BAIAP2: variants seen among roughly 807,000 people sequenced by gnomAD.
BAIAP2 encodes BAR/IMD domain containing adaptor protein 2, also known as BAR/IMD domain-containing adapter protein 2.
Under a neutral mutation model 63.0 loss-of-function variants are expected in BAIAP2, and 18 were observed. The observed-to-expected ratio is 0.29, with a 90% CI of 0.20 to 0.42. BAIAP2 has a LOEUF of 0.42. BAIAP2 is among the 10% of genes least tolerant of loss of function. BAIAP2 has a pLI of 1.00. For synonymous variants in BAIAP2, 386 were observed against 307.6 expected, an observed-to-expected ratio of 1.25 and a Z score of -2.67; for missense variants, 610 against 734.3, an observed-to-expected ratio of 0.83 and a Z score of 1.96.
chr17:81,069,445 G>T (rs557668653), intron 3 of BAIAP2, among the ~76,000 whole-genome samples: 148 of 152,278 alleles, frequency 9.7e-4, no homozygotes, highest in African/African-American at 3.2e-3. Context: ...AGAGGCTGGG[G>T]AGTGGTCCAC....
At chr17:81,057,807 A>G in intron 2 of BAIAP2, 74 bp from the exon 3 acceptor site, 2 of 1,545,494 alleles carry the variant, frequency 1.3e-6, no homozygotes, top group South Asian at 2.5e-5. Flanking sequence ...GCGTGCCAAG[A>G]CTGCCGTGTT....
At chr17:81,098,202 C>A (rs769286960) in intron 6 of BAIAP2, 1 of 1,416,746 alleles carries the variant, frequency 7.1e-7, no homozygotes, top group Non-Finnish European at 9.3e-7. Flanking sequence ...TCAGGTGAGT[C>A]ATACAACAAG....
intron 7 of BAIAP2, among the ~76,000 whole-genome samples, chr17:81,102,043 C>T (rs933030580): frequency 1.1e-4 from 16 of 152,138 alleles, no homozygotes; most frequent in African/African-American, 1.9e-4. Flanking sequence ...GGCTGCTTGC[C>T]GCAGGTCTCC....
chr17:81,053,576 C>A, intron 1 of BAIAP2, 92 bp from the exon 2 acceptor site: 1 of 1,417,108 alleles, frequency 7.1e-7, no homozygotes, highest in Non-Finnish European at 9.9e-7. Context: ...GGAGGGGTGC[C>A]TGCTCTGGGT....
intron 1 of BAIAP2, among the ~76,000 whole-genome samples, chr17:81,051,628 G>A (rs1477405588): frequency 2.0e-5 from 3 of 152,120 alleles, no homozygotes; most frequent in African/African-American, 7.2e-5. Context: ...ATCTGACCTC[G>A]TGATCCGCCT....
Position 81,110,846 on chromosome 17 carries a change from C to G in BAIAP2, c.1535+2337C>G, listed in dbSNP as rs145218872. ...CTCCTGGCAGCTCGCCCGTGGTCCC[C>G]CCTCCTCTGCACCCCCGAGTCCTCA... On this transcript the variant is annotated intron_variant, in intron 13 of 13. Transcript: ENST00000428708. 5,782 of 1,598,770 alleles carry G rather than the reference C, an allele frequency of 3.6e-3. 363 individuals are homozygous for G. The Admixed American group carries it at 0.09, about 25-fold the overall frequency.
At chr17:81,037,048 C>T (rs1371104725) in intron 1 of BAIAP2, 14 of 1,108,980 alleles carry the variant, frequency 1.3e-5, no homozygotes, top group Non-Finnish European at 1.7e-5. Context: ...TAGGCCTTCA[C>T]CTAGGTGAAG....
In BAIAP2 at chr17:81,061,088, C is replaced by T. The variant is rs183444840; in HGVS notation, c.217+3121C>T. Among the ~76,000 whole-genome samples the T allele has an allele frequency of 3.2e-3, 484 of 152,280 alleles. 2 individuals are homozygous for T. The highest frequency in any genetic ancestry group is 4.6e-3 in the Non-Finnish European group (314 of 68,026). On this transcript the variant is annotated intron_variant, in intron 3 of 13. Coordinates refer to ENST00000428708, the MANE Select transcript of BAIAP2 (RefSeq NM_001144888.2). The stretch of plus-strand genomic sequence containing the variant: ...GCAGTGAGCCGAGATGGTGCCATTG[C>T]GCTCCAGCCTGGGAGACAGAGCGAG...
chr17:81,066,671 G>A (rs1035555862), intron 3 of BAIAP2, among the ~76,000 whole-genome samples: 6 of 152,226 alleles, frequency 3.9e-5, no homozygotes, highest in African/African-American at 9.6e-5. Flanking sequence ...AGGGGACTTC[G>A]GGGCTGTCCC....
chr17:81,115,051 A>AAAGG (rs2060363694), intron 13 of BAIAP2, among the ~76,000 whole-genome samples: 1 of 152,170 alleles, frequency 6.6e-6, no homozygotes, highest in South Asian at 2.1e-4. Context: ...CTCCAAAGAG[A>AAAGG]AAGGCTCAGG....
intron 3 of BAIAP2, among the ~76,000 whole-genome samples, chr17:81,073,562 G>A (rs1246498532): frequency 1.3e-5 from 2 of 152,164 alleles, no homozygotes; most frequent in African/African-American, 2.4e-5. Context: ...CTCGGGCAGG[G>A]TCTGAGCTGC....
chr17:81,116,454 C>T lies in BAIAP2; in HGVS notation c.*615C>T. On this transcript the variant is annotated 3_prime_UTR_variant, in exon 14 of 14. Transcript: ENST00000428708. ...AAGGGCCTCCCCAGGCCCCTCCTGC[C>T]TCGGGCAGGCCCCAGCCCTCCTCCT... The T allele has an allele frequency of 9.4e-7, 1 of 1,062,330 alleles. No homozygotes were observed. The highest frequency in any genetic ancestry group is 1.3e-6 in the Non-Finnish European group (1 of 747,786). 65.8% of individuals were successfully genotyped at this position (1,062,330 alleles called of 1,614,324 possible). A position where few individuals can be genotyped will look rare whatever the true frequency, so the allele number is the denominator to read the frequency against.
intron 2 of BAIAP2, among the ~76,000 whole-genome samples, chr17:81,055,182 G>T (rs1204131158): frequency 2.0e-5 from 3 of 152,178 alleles, no homozygotes; most frequent in African/African-American, 7.2e-5. Context: ...GCAGGAGTTG[G>T]TCAGCCCTCG....
rs371088726 is a variant in BAIAP2, at chr17:81,053,758, G to A, written c.130+15G>A. ...GGCACTGGCAGGTGGAACTGCGCCC[G>A]GGCCCCGTGGGGTGGGAGCTGCCTC... On this transcript the variant is annotated intron_variant, in intron 2 of 13. Transcript: ENST00000428708. 39 of 1,613,362 alleles carry A rather than the reference G, an allele frequency of 2.4e-5. No individual in the cohort carries two copies. The African/African-American group carries it at 2.5e-4, about 10-fold the overall frequency.
intron 13 of BAIAP2, chr17:81,110,921 G>A (rs2059853424): frequency 6.2e-7 from 1 of 1,613,898 alleles, no homozygotes; most frequent in Non-Finnish European, 8.5e-7. Context: ...CAGCGCCGAT[G>A]TGGAAGTGGC....
intron 13 of BAIAP2, chr17:81,109,381 AAAAAAAAAAAAAAAG>A (rs1271696677): frequency 1.0e-4 from 106 of 1,010,474 alleles, no homozygotes; most frequent in Middle Eastern, 4.8e-4. Context: ...TTAAAAAAAA[AAAAAAAAAAAAAAAG>A]AAAAAAAGAA....
intron 3 of BAIAP2, among the ~76,000 whole-genome samples, 167 bp downstream of exon 3, chr17:81,058,134 C>G (rs34406585): frequency 0.18 from 26,896 of 152,120 alleles, 2,577 homozygotes; most frequent in South Asian, 0.21. Context: ...TGGGGCACAC[C>G]CTGCTGAAAG....
At position 81,037,579 on chromosome 17, in the gene BAIAP2, GGCCGGTCCA is replaced by G. The variant is rs572498845; in HGVS notation, c.54+2282_54+2290del. Among the ~76,000 whole-genome samples the G allele has an allele frequency of 1.6e-4, 24 of 152,330 alleles. No individual in the cohort carries two copies. In the South Asian group the frequency reaches 4.1e-3, roughly 26 times the overall value. On this transcript the variant is annotated intron_variant, in intron 1 of 13. Coordinates refer to ENST00000428708, the MANE Select transcript of BAIAP2 (RefSeq NM_001144888.2). ...CTGAGGCCACCGGTGTGCACTCCTG[GGCCGGTCCA>G]GCCGGTCCAGGCAGTGCTGAGCTCT...
intron 7 of BAIAP2, among the ~76,000 whole-genome samples, chr17:81,100,737 T>C (rs2058371284): frequency 6.6e-6 from 1 of 152,156 alleles, no homozygotes. Context: ...ATCTCTTTGC[T>C]TCCTGGGTAG....
Sources: gnomAD v4.1 joint callset for allele counts (sites outside exome capture counted in the v4.1 genomes callset) on GRCh38, gnomAD v4.1.1 for gene constraint, MANE v1.5 for transcripts, NCBI Gene and HGNC (gene_info 2026-07-23, HGNC 2026-07-21) for gene names.